The following KAZN variants were observed in gnomAD, a reference collection of about 807,000 sequenced individuals.
The protein encoded by KAZN is kazrin, periplakin interacting protein.
Under a neutral mutation model 87.4 loss-of-function variants are expected in KAZN, and 40 were observed. That is an observed-to-expected ratio of 0.46 (90% CI 0.36 to 0.60). The LOEUF (loss-of-function observed/expected upper bound fraction) is 0.60. KAZN is among the 20% of genes least tolerant of loss of function. The pLI is 0.00. For missense variants in KAZN, 898 were observed against 1,073.9 expected, an observed-to-expected ratio of 0.84 and a Z score of 2.29; for synonymous variants, 466 against 458.3, an observed-to-expected ratio of 1.02 and a Z score of -0.22.
At chr1:15,112,899 G>T (rs776238810) in intron 14 of KAZN, 33 of 218,276 alleles carry the variant, frequency 1.5e-4, no homozygotes, top group Non-Finnish European at 2.8e-5. Context: ...CATTCAGCTA[G>T]GCTGCCCAGA....
chr1:14,750,171 A>G (rs1273496082), intron 1 of KAZN, among the ~76,000 whole-genome samples: 2 of 152,194 alleles, frequency 1.3e-5, no homozygotes, highest in African/African-American at 2.4e-5. Flanking sequence ...TGGCAACTTC[A>G]TGTGAACATA....
chr1:14,060,378 A>G (rs1376835319), intron 1 of KAZN, among the ~76,000 whole-genome samples: 1 of 152,008 alleles, frequency 6.6e-6, no homozygotes, highest in African/African-American at 2.4e-5. Context: ...AAAAAAAAAA[A>G]AAAAAGAATG....
At position 13,976,262 on chromosome 1, in the gene KAZN, G is replaced by C. The variant is rs147075132; in HGVS notation, c.91+82506G>C. Among the ~76,000 whole-genome samples the C allele has an allele frequency of 1.2e-4, 18 of 152,216 alleles. No individual in the cohort carries two copies. In the East Asian group the frequency reaches 2.3e-3, roughly 20 times the overall value. On this transcript the variant is annotated intron_variant, in intron 1 of 16. Coordinates refer to the KAZN transcript ENST00000636203. ...CATCCATGCTTTTGATTTTCAAAGA[G>C]AGCAAATGGGAAATCGACTAATAAA... is the stretch of plus-strand genomic sequence containing the variant.
chr1:15,114,585 G>C lies in KAZN; in HGVS notation c.2278G>C (p.Glu760Gln). 6.2e-7 allele frequency: 1 copy of C among 1,602,606 alleles called. No homozygotes were observed. Among genetic ancestry groups the C allele is most frequent in the Non-Finnish European group, 8.5e-7 (1 of 1,174,466 alleles). Residue 760 changes from glutamate to glutamine, a missense_variant, in exon 15 of 15, where the codon GAA becomes CAA. By Grantham distance (29) the Glu-to-Gln change is conservative (BLOSUM62 2). Coordinates refer to ENST00000376030, the MANE Select transcript of KAZN (RefSeq NM_201628.3). ...CGDDDPQSRL[E>Q]QCRLEGYNSL... ...AGACGATGACCCCCAGAGCAGGCTG[G>C]AACAGTGCCGTCTGGAAGGCTACAA...
intron 2 of KAZN, among the ~76,000 whole-genome samples, chr1:14,343,961 T>G (rs1571346922): frequency 6.6e-6 from 1 of 152,266 alleles, no homozygotes; most frequent in African/African-American, 2.4e-5. Context: ...CTAAAACTAG[T>G]TTCTAAGTTT....
At chr1:14,959,398 G>C (rs1663564985) in intron 1 of KAZN, among the ~76,000 whole-genome samples, 1 of 152,176 alleles carries the variant, frequency 6.6e-6, no homozygotes, top group Admixed American at 6.5e-5. Context: ...ATATTGTAGA[G>C]AGAGGGACCA....
At chr1:13,985,692 T>A (rs1638985445) in intron 1 of KAZN, among the ~76,000 whole-genome samples, 1 of 152,234 alleles carries the variant, frequency 6.6e-6, no homozygotes, top group African/African-American at 2.4e-5. Context: ...TTCCTTCAAC[T>A]GTCAAACCCT....
chr1:14,041,991 A>G (rs1196466208), intron 1 of KAZN, among the ~76,000 whole-genome samples: 4 of 151,866 alleles, frequency 2.6e-5, no homozygotes, highest in Admixed American at 1.3e-4. Flanking sequence ...GATCTTCTCT[A>G]TCTGTGATTC....
At chr1:14,714,516 C>T (rs1023796317) in intron 1 of KAZN, among the ~76,000 whole-genome samples, 1 of 152,120 alleles carries the variant, frequency 6.6e-6, no homozygotes, top group Non-Finnish European at 1.5e-5. Context: ...ACGTGGGGGC[C>T]CTGGGTTGGG....
intron 2 of KAZN, among the ~76,000 whole-genome samples, chr1:15,031,755 C>T (rs1249561892): frequency 1.3e-5 from 2 of 152,094 alleles, no homozygotes; most frequent in Non-Finnish European, 2.9e-5. Flanking sequence ...AGGCATGCAC[C>T]ACCACAATCA....
chr1:14,882,995 A>G (rs1653500063), intron 1 of KAZN, among the ~76,000 whole-genome samples: 1 of 152,088 alleles, frequency 6.6e-6, no homozygotes, highest in Admixed American at 6.5e-5. Context: ...ACTCATGGGT[A>G]ACTCAAAAAG....
chr1:14,888,585 G>T (rs1325410108), intron 1 of KAZN, among the ~76,000 whole-genome samples: 1 of 151,730 alleles, frequency 6.6e-6, no homozygotes, highest in Non-Finnish European at 1.5e-5. Flanking sequence ...CGCAAATATA[G>T]CTTTTTGCGT....
chr1:13,972,498 C>G (rs1032220114), intron 1 of KAZN, among the ~76,000 whole-genome samples: 1 of 152,164 alleles, frequency 6.6e-6, no homozygotes, highest in African/African-American at 2.4e-5. Flanking sequence ...TGCCAGAGCA[C>G]AGGCAGCTAC....
chr1:14,123,679 G>C (rs1275942156), intron 1 of KAZN, among the ~76,000 whole-genome samples: 2 of 152,210 alleles, frequency 1.3e-5, no homozygotes, highest in African/African-American at 4.8e-5. Context: ...AAATGGGACT[G>C]CAGCCTCCCT....
intron 1 of KAZN, among the ~76,000 whole-genome samples, chr1:14,819,706 C>CTT (rs775752838): frequency 0.049 from 5,700 of 117,462 alleles, 248 homozygotes; most frequent in Non-Finnish European, 0.058. Context: ...GAAAAAAAAT[C>CTT]TTTTTTTTTT....
chr1:14,650,862 T>C (rs1223726369), intron 1 of KAZN, among the ~76,000 whole-genome samples: 1 of 152,198 alleles, frequency 6.6e-6, no homozygotes, highest in Non-Finnish European at 1.5e-5. Flanking sequence ...ATGGGGTCCA[T>C]GGCTCCCCAG....
chr1:14,500,738 T>C (rs1463836066), intron 2 of KAZN, among the ~76,000 whole-genome samples: 7 of 151,892 alleles, frequency 4.6e-5, no homozygotes, highest in Admixed American at 1.3e-4. Context: ...AAACCAGGAA[T>C]GAAAAAGTAG....
At chr1:14,087,409 C>T (rs72861302) in intron 1 of KAZN, among the ~76,000 whole-genome samples, 1,794 of 152,188 alleles carry the variant, frequency 0.012, 43 homozygotes, top group African/African-American at 0.04. Flanking sequence ...ACAATAAAAG[C>T]CAGTTTTAAT....
rs72872383 is a variant in KAZN at position 14,462,460 on chromosome 1, G to C, written c.250-136523G>C. Among the ~76,000 whole-genome samples, 845 of 152,270 alleles carry C rather than the reference G, an allele frequency of 5.5e-3. 4 individuals are homozygous for C. The highest frequency in any genetic ancestry group is 0.02 in the African/African-American group (814 of 41,556). On this transcript the variant is annotated intron_variant, in intron 2 of 16. Coordinates refer to the KAZN transcript ENST00000636203. ...AACCCCACTGATAGAACCTCATTCT[G>C]TCAGACCTAGAATATTGTTCTAGGA... is the stretch of plus-strand genomic sequence containing the variant.
Sources: allele counts gnomAD v4.1 joint callset (sites outside exome capture counted in the v4.1 genomes callset), GRCh38; gene constraint gnomAD v4.1.1; transcripts MANE v1.5; gene names NCBI Gene and HGNC (gene_info 2026-07-23, HGNC 2026-07-21).